Variants in MICU1 observed in about 807,000 individuals in gnomAD.
MICU1 encodes mitochondrial calcium uptake 1, also known as calcium uptake protein 1, mitochondrial.
A neutral mutation model predicts 56.8 loss-of-function variants in MICU1; 45 were observed. The ratio of observed to expected loss-of-function variants is 0.79; its 90% CI spans 0.62 to 1.02. The LOEUF is 1.02. Among genes scored for constraint, MICU1 ranks in the 50% least tolerant of loss-of-function variants. The pLI is 0.00. For missense variants in MICU1, 504 were observed against 587.1 expected (o/e 0.86, Z 1.46); for synonymous variants, 186 against 195.1 (o/e 0.95, Z 0.39).
At chr10:72,455,966 G>T (rs1564880102) in intron 8 of MICU1, among the ~76,000 whole-genome samples, 1 of 152,182 alleles carries the variant, frequency 6.6e-6, no homozygotes, top group East Asian at 1.9e-4. Context: ...TGGTGACACA[G>T]GGAGAAACTA....
At chr10:72,578,214 C>T (rs1225419004) in intron 1 of MICU1, among the ~76,000 whole-genome samples, 3 of 152,058 alleles carry the variant, frequency 2.0e-5, no homozygotes, top group Non-Finnish European at 4.4e-5. Context: ...AGCAAAAGGA[C>T]TGTCACTTGC....
intron 5 of MICU1, among the ~76,000 whole-genome samples, chr10:72,517,166 T>C (rs772250290): frequency 4.6e-5 from 7 of 152,170 alleles, no homozygotes; most frequent in African/African-American, 1.2e-4. Flanking sequence ...TGGGAGTTAC[T>C]AGAAAACAAA....
In MICU1 at chr10:72,441,114, G is replaced by A. The variant is rs189112769; in HGVS notation, c.934-17743C>T. On this transcript the variant is annotated intron_variant, in intron 8 of 11. Transcript: ENST00000361114. Reference sequence around the variant, plus strand: ...ACACATGCACATGTATGTTTATCGCGGCACTACTCACAATAGCAAAGACTT... The same window carrying A: ...ACACATGCACATGTATGTTTATCGCAGCACTACTCACAATAGCAAAGACTT... Among the ~76,000 whole-genome samples, 123 of 152,084 alleles carry A rather than the reference G, an allele frequency of 8.1e-4. 3 individuals are homozygous for A. Among genetic ancestry groups the A allele is most frequent in the Admixed American group, 7.3e-3 (112 of 15,264 alleles).
chr10:72,491,672 C>A (rs568701099), intron 6 of MICU1, among the ~76,000 whole-genome samples: 2 of 152,238 alleles, frequency 1.3e-5, no homozygotes, highest in South Asian at 4.1e-4. Flanking sequence ...TAATCTGGTC[C>A]TATATAACAG....
intron 8 of MICU1, among the ~76,000 whole-genome samples, chr10:72,437,188 C>T (rs995106382): frequency 1.3e-5 from 2 of 152,208 alleles, no homozygotes; most frequent in Non-Finnish European, 2.9e-5. Context: ...ATCAGACTAA[C>T]AGCAGATCTC....
chr10:72,450,209 A>G (rs1865252399), intron 8 of MICU1, among the ~76,000 whole-genome samples: 1 of 151,960 alleles, frequency 6.6e-6, no homozygotes, highest in South Asian at 2.1e-4. Flanking sequence ...AATGTGATCT[A>G]ATTTGGGGTG....
chr10:72,586,341 A>G (rs1408515710), intron 1 of MICU1, among the ~76,000 whole-genome samples: 1 of 151,950 alleles, frequency 6.6e-6, no homozygotes, highest in Non-Finnish European at 1.5e-5. Flanking sequence ...GGTTGGTTGA[A>G]TCCATGAATA....
At chr10:72,442,923 A>AC (rs1864985482) in intron 8 of MICU1, among the ~76,000 whole-genome samples, 1 of 151,812 alleles carries the variant, frequency 6.6e-6, no homozygotes, top group Admixed American at 6.6e-5. Flanking sequence ...TACCCGTTTA[A>AC]TTTTTGTATT....
intron 8 of MICU1, among the ~76,000 whole-genome samples, chr10:72,437,969 G>T (rs997836544): frequency 2.0e-5 from 3 of 152,146 alleles, no homozygotes; most frequent in African/African-American, 7.2e-5. Flanking sequence ...ACACCCCACT[G>T]TCAATATTAG....
At chr10:72,527,715 A>T (rs1185603348) in intron 5 of MICU1, among the ~76,000 whole-genome samples, 3 of 152,214 alleles carry the variant, frequency 2.0e-5, no homozygotes, top group Admixed American at 6.5e-5. Context: ...GTGTGCACTA[A>T]ATGAGTAATT....
chr10:72,555,980 G>T (rs1840149198), intron 3 of MICU1, among the ~76,000 whole-genome samples: 1 of 152,208 alleles, frequency 6.6e-6, no homozygotes, highest in South Asian at 2.1e-4. Flanking sequence ...CCAAGATAAT[G>T]CAAGTGACAG....
intron 1 of MICU1, among the ~76,000 whole-genome samples, chr10:72,597,758 C>T (rs1026580152): frequency 1.4e-4 from 22 of 152,042 alleles, no homozygotes; most frequent in African/African-American, 4.6e-4. Flanking sequence ...ACAAAGTTTG[C>T]GTACATTGTG....
intron 4 of MICU1, among the ~76,000 whole-genome samples, chr10:72,543,965 A>G (rs1589325568): frequency 2.0e-5 from 3 of 152,220 alleles, no homozygotes; most frequent in African/African-American, 7.2e-5. Context: ...AAGAAGAAGT[A>G]AAAACTAAAA....
At chr10:72,475,832 G>C in intron 7 of MICU1, 1 of 456,658 alleles carries the variant, frequency 2.2e-6, no homozygotes. Flanking sequence ...GTAAGTAGCA[G>C]AATTAGGGTT....
At chr10:72,484,410 CAA>C (rs528815777) in intron 6 of MICU1, among the ~76,000 whole-genome samples, 1 of 132,620 alleles carries the variant, frequency 7.5e-6, no homozygotes, top group Admixed American at 7.6e-5. Flanking sequence ...ATACCAAGGA[CAA>C]AAAAAAAAAA....
At chr10:72,560,959 AGATT>A (rs1301811833) in intron 3 of MICU1, among the ~76,000 whole-genome samples, 2 of 152,250 alleles carry the variant, frequency 1.3e-5, no homozygotes, top group African/African-American at 4.8e-5. Context: ...ATGTCTATAT[AGATT>A]ATGTAAAAGA....
At chr10:72,504,672 T>C (rs1243257575) in intron 6 of MICU1, among the ~76,000 whole-genome samples, 3 of 151,940 alleles carry the variant, frequency 2.0e-5, no homozygotes, top group Non-Finnish European at 4.4e-5. Context: ...AAAGAAACCA[T>C]CAACAAAGTA....
rs1476634252 is a variant in MICU1 at position 72,454,790 on chromosome 10, AAAAAAAAAC to A, written c.933+20301_933+20309del. On this transcript the variant is annotated intron_variant, in intron 8 of 11. Coordinates refer to ENST00000361114, the MANE Select transcript of MICU1 (RefSeq NM_001195518.2). ...AGAGCGAAACTCCATCTCAAAAAAA[AAAAAAAAAC>A]AAAAAACAAAAAATATAAAACAAAA... is the stretch of plus-strand genomic sequence containing the variant. Among the ~76,000 whole-genome samples the A allele has an allele frequency of 7.2e-3, 1,093 of 151,646 alleles. 12 individuals carry two copies. Among genetic ancestry groups the A allele is most frequent in the African/African-American group, 0.025 (1,010 of 41,196 alleles).
chr10:72,458,130 C>T (rs1358636500), intron 8 of MICU1, among the ~76,000 whole-genome samples: 1 of 150,918 alleles, frequency 6.6e-6, no homozygotes, highest in Non-Finnish European at 1.5e-5. Flanking sequence ...TCATGCCATG[C>T]ACTCCAGCCT....
Sources: gnomAD v4.1 joint callset for allele counts (sites outside exome capture counted in the v4.1 genomes callset) on GRCh38, gnomAD v4.1.1 for gene constraint, MANE v1.5 for transcripts, NCBI Gene and HGNC (gene_info 2026-07-23, HGNC 2026-07-21) for gene names.